WDR41: variants seen among roughly 807,000 people sequenced by gnomAD.
The protein encoded by WDR41 is WD repeat-containing protein 41.
In WDR41, 63 loss-of-function variants were observed where a neutral mutation model predicts 69.3. The ratio of observed to expected loss-of-function variants is 0.91; its 90% CI spans 0.74 to 1.12. WDR41 has a LOEUF of 1.12. Among genes scored for constraint, WDR41 ranks in the 50% most tolerant of loss-of-function variants. The pLI, the probability that WDR41 is intolerant of heterozygous loss-of-function variation, is 0.00. For synonymous variants in WDR41, 185 were observed against 192.1 expected, an observed-to-expected ratio of 0.96 and a Z score of 0.31; for missense variants, 543 against 534.5, an observed-to-expected ratio of 1.02 and a Z score of -0.16.
Position 77,433,425 on chromosome 5 carries a change from C to T in WDR41, c.1228-138G>A, listed in dbSNP as rs1798805343. The T allele has an allele frequency of 1.7e-5, 10 of 605,270 alleles. No homozygotes were observed. The South Asian group carries it at 4.5e-4, about 27-fold the overall frequency. The allele number at this position is 605,270 out of a possible 1,614,324, so 37.5% of individuals were successfully genotyped here. ...GGGTGTAGAACTTCATTTCATTTTT[C>T]AGTATTGGTAAGTCACATACAAATA... is the stretch of plus-strand genomic sequence containing the variant. On this transcript the variant is annotated intron_variant, in intron 12 of 12. Transcript: ENST00000296679.
chr5:77,586,779 T>G (rs1435970476), intron 1 of WDR41, among the ~76,000 whole-genome samples: 2 of 149,612 alleles, frequency 1.3e-5, no homozygotes, highest in East Asian at 3.9e-4. Context: ...AGAGCAGTGG[T>G]AGGATCTTGG....
intron 2 of WDR41, among the ~76,000 whole-genome samples, chr5:77,479,404 A>C (rs1050211110): frequency 6.6e-6 from 1 of 152,026 alleles, no homozygotes; most frequent in Admixed American, 6.6e-5. Context: ...GAGGCATCAC[A>C]CTACCTGACT....
intron 2 of WDR41, among the ~76,000 whole-genome samples, chr5:77,481,786 A>G (rs993176330): frequency 3.0e-5 from 1 of 32,914 alleles, no homozygotes; most frequent in African/African-American, 4.0e-4. Flanking sequence ...CTCCGTCTCA[A>G]AAAAAAAAAA....
chr5:77,569,599 G>A (rs532848165), intron 1 of WDR41, among the ~76,000 whole-genome samples: 1 of 152,044 alleles, frequency 6.6e-6, no homozygotes, highest in Non-Finnish European at 1.5e-5. Flanking sequence ...ATGAGTAAGA[G>A]ACATATATTA....
At chr5:77,447,506 G>A (rs1799431703) in intron 8 of WDR41, among the ~76,000 whole-genome samples, 1 of 152,144 alleles carries the variant, frequency 6.6e-6, no homozygotes, top group South Asian at 2.1e-4. Context: ...ACAAAGATAT[G>A]GAACCAATCC....
At chr5:77,449,993 C>CA (rs1025829084) in intron 7 of WDR41, 123 bp from the exon 8 acceptor site, 87 of 652,412 alleles carry the variant, frequency 1.3e-4, no homozygotes, top group Admixed American at 1.3e-3. Context: ...AACCCATCTC[C>CA]AAAAAAAAGC....
chr5:77,599,844 A>C (rs746914307), intron 1 of WDR41, among the ~76,000 whole-genome samples: 3 of 152,192 alleles, frequency 2.0e-5, no homozygotes, highest in Non-Finnish European at 2.9e-5. Context: ...TTAAAGCCAC[A>C]ATCTGATTGC....
intron 1 of WDR41, among the ~76,000 whole-genome samples, chr5:77,520,316 A>G (rs1252126585): frequency 6.6e-6 from 1 of 152,210 alleles, no homozygotes; most frequent in Non-Finnish European, 1.5e-5. Flanking sequence ...ATGATTGATA[A>G]TTACTTGTAT....
chr5:77,618,908 G>T (rs569663274), intron 1 of WDR41, among the ~76,000 whole-genome samples: 10 of 152,254 alleles, frequency 6.6e-5, no homozygotes, highest in African/African-American at 2.4e-4. Context: ...CATAGAAGGT[G>T]GTGGGCATCC....
intron 12 of WDR41, among the ~76,000 whole-genome samples, chr5:77,435,044 G>A (rs1798885858): frequency 6.6e-6 from 1 of 152,080 alleles, no homozygotes. Context: ...CTGTTCACAG[G>A]AACCCAGCGC....
chr5:77,501,938 C>A (rs1802023035), intron 1 of WDR41, among the ~76,000 whole-genome samples: 1 of 152,124 alleles, frequency 6.6e-6, no homozygotes, highest in South Asian at 2.1e-4. Flanking sequence ...AGCAGAAAAA[C>A]TGAAAATTCT....
At position 77,526,134 on chromosome 5, in the gene WDR41, C is replaced by T. The variant is rs138228892; in HGVS notation, c.43-36562G>A. 2.1e-4 allele frequency among the ~76,000 whole-genome samples: 32 copies of T among 152,192 alleles called. No homozygotes were observed. In the East Asian group the frequency reaches 5.6e-3, roughly 27 times the overall value. On this transcript the variant is annotated intron_variant, in intron 1 of 5. Coordinates refer to the WDR41 transcript ENST00000509971. ...AATAGAGGAAATAGTATAAGACATT[C>T]TCATACTACCTATTGATTAAATTCA...
intron 1 of WDR41, among the ~76,000 whole-genome samples, chr5:77,592,663 G>A (rs1744154350): frequency 6.6e-6 from 1 of 152,186 alleles, no homozygotes. Context: ...TTGGAAAAGA[G>A]GAAACCAGGA....
intron 8 of WDR41, among the ~76,000 whole-genome samples, chr5:77,448,006 C>T (rs952400203): frequency 2.0e-5 from 3 of 152,082 alleles, no homozygotes; most frequent in East Asian, 1.9e-4. Context: ...AATGAATACT[C>T]GAAGAAAGCT....
intron 7 of WDR41, among the ~76,000 whole-genome samples, chr5:77,450,829 T>C (rs751398195): frequency 1.3e-5 from 2 of 152,208 alleles, no homozygotes; most frequent in African/African-American, 2.4e-5. Context: ...CTCTAGAAGA[T>C]AGGTCATGCC....
rs1335633810 is a variant in WDR41, at chr5:77,449,871, C to T, written c.587-1G>A. The stretch of plus-strand genomic sequence containing the variant: ...GTGGGTGCTACCAACCTGAAAATTA[C>T]TAAATGAAAAAGACAGATAAAATTT... On this transcript the variant is annotated splice_acceptor_variant, in intron 7 of 12. Coordinates refer to ENST00000296679, the MANE Select transcript of WDR41 (RefSeq NM_018268.4). LOFTEE classifies it high-confidence loss of function. 2 of 1,599,204 alleles carry T rather than the reference C, an allele frequency of 1.3e-6. No individual in the cohort carries two copies. Among genetic ancestry groups the T allele is most frequent in the Admixed American group, 1.7e-5 (1 of 59,422 alleles).
intron 1 of WDR41, among the ~76,000 whole-genome samples, chr5:77,563,016 A>G (rs1743553420): frequency 6.6e-6 from 1 of 152,166 alleles, no homozygotes; most frequent in East Asian, 1.9e-4. Flanking sequence ...TTCCTGCAAT[A>G]GACTGTAAAT....
At chr5:77,443,429 T>G (rs573257002) in intron 8 of WDR41, among the ~76,000 whole-genome samples, 1 of 152,288 alleles carries the variant, frequency 6.6e-6, no homozygotes, top group East Asian at 1.9e-4. Context: ...CAATCCTACA[T>G]GTAAATATTA....
intron 1 of WDR41, among the ~76,000 whole-genome samples, chr5:77,542,314 G>C (rs146114131): frequency 6.6e-6 from 1 of 152,106 alleles, no homozygotes; most frequent in African/African-American, 2.4e-5. Context: ...AGGAAAAATA[G>C]CTAATGGGTG....
Sources: gnomAD v4.1 joint callset for allele counts (sites outside exome capture counted in the v4.1 genomes callset) on GRCh38, gnomAD v4.1.1 for gene constraint, MANE v1.5 for transcripts, NCBI Gene and HGNC (gene_info 2026-07-23, HGNC 2026-07-21) for gene names.